VRTN: variants seen among roughly 807,000 people sequenced by gnomAD.
VRTN encodes vertnin.
In VRTN, 5 loss-of-function variants were observed where a neutral mutation model predicts 18.2. That is an observed-to-expected ratio of 0.27 (90% CI 0.14 to 0.58). The LOEUF is 0.58. Ranked by LOEUF, VRTN falls within the 20% of genes least tolerant of loss-of-function variation. The probability of loss-of-function intolerance (pLI) is 0.91; values close to 1 mark genes in which losing one functional copy is unlikely to be tolerated. For synonymous variants in VRTN, 381 were observed against 393.7 expected, an observed-to-expected ratio of 0.97 and a Z score of 0.38; for missense variants, 741 against 939.4, an observed-to-expected ratio of 0.79 and a Z score of 2.76.
rs1265260867 is a variant in VRTN at position 74,359,823 on chromosome 14, C to A, written c.*931C>A. On this transcript the variant is annotated 3_prime_UTR_variant, in exon 2 of 2. Coordinates refer to ENST00000256362, the MANE Select transcript of VRTN (RefSeq NM_018228.3). ...TGGGTGCTTGATCCACCTGCTGGGA[C>A]CCTGCAGTCCTCGGCCAGCCTGGCT... The A allele has an allele frequency of 6.0e-6, 1 of 166,974 alleles. No individual in the cohort carries two copies. Among genetic ancestry groups the A allele is most frequent in the Non-Finnish European group, 1.5e-5 (1 of 68,160 alleles). 10.3% of individuals were successfully genotyped at this position (166,974 alleles called of 1,614,324 possible). A position where few individuals can be genotyped will look rare whatever the true frequency, so the allele number is the denominator to read the frequency against.
chr14:74,349,708 T>G (rs1002185572), intron 1 of VRTN, among the ~76,000 whole-genome samples: 1 of 152,168 alleles, frequency 6.6e-6, no homozygotes, highest in African/African-American at 2.4e-5. Flanking sequence ...AGGCCAGACC[T>G]GGGTTCTGAG....
upstream of VRTN, among the ~76,000 whole-genome samples, chr14:74,344,919 T>C (rs140804553): frequency 7.9e-4 from 120 of 152,296 alleles, no homozygotes; most frequent in African/African-American, 2.6e-3. Flanking sequence ...GATACTTGCT[T>C]GTTTATACAT....
At chr14:74,339,866 A>G (rs2085589263) in intron 2 of VRTN, among the ~76,000 whole-genome samples, 1 of 152,172 alleles carries the variant, frequency 6.6e-6, no homozygotes, top group Admixed American at 6.5e-5. Context: ...TAAGACTAGC[A>G]GTAATTGGAT....
At chr14:74,306,342 A>T (rs1046234425) in intron 1 of VRTN, among the ~76,000 whole-genome samples, 76 of 150,088 alleles carry the variant, frequency 5.1e-4, no homozygotes, top group African/African-American at 1.6e-3. Context: ...ATTAAAAAAA[A>T]TTTTTTTTGT....
intron 1 of VRTN, among the ~76,000 whole-genome samples, chr14:74,351,495 GTT>G (rs59810913): frequency 0.023 from 2,019 of 89,666 alleles, 44 homozygotes; most frequent in African/African-American, 0.058. Flanking sequence ...TGATTACCAG[GTT>G]TTTTTTTTTT....
chr14:74,358,344 A>G lies in VRTN; in HGVS notation c.1561A>G (p.Ser521Gly), dbSNP rs1315018287. Reference sequence around the variant, plus strand: ...CAGGGCTGCCCGCAGGCAGGTGCTGAGTGGGCATCTCCCTTTCTGCCGCTT... The same window carrying G: ...CAGGGCTGCCCGCAGGCAGGTGCTGGGTGGGCATCTCCCTTTCTGCCGCTT... Reference protein sequence around the residue: ...LRRAARRQVLSGHLPFCRFRL... With the variant: ...LRRAARRQVLGGHLPFCRFRL... The change falls in exon 2 of 2, where the codon AGT becomes GGT. Residue 521 changes from serine (S) to glycine (G), a missense_variant. By Grantham distance (56) the Ser-to-Gly change is moderately conservative (BLOSUM62 0). Coordinates refer to ENST00000256362, the MANE Select transcript of VRTN (RefSeq NM_018228.3). This position sits in a 1 kb window ranked among gnomAD's most constrained non-coding sequence, Gnocchi z 5.4. The G allele has an allele frequency of 2.5e-6, 4 of 1,613,350 alleles. No homozygotes were observed. The highest frequency in any genetic ancestry group is 3.4e-6 in the Non-Finnish European group (4 of 1,179,942).
At chr14:74,303,014 G>T, upstream of VRTN, 1 of 1,254,140 alleles carries the variant, frequency 8.0e-7, no homozygotes, top group Non-Finnish European at 1.1e-6. Flanking sequence ...GACGGCGTTT[G>T]ATAGAGAGGA....
At position 74,324,561 on chromosome 14, in the gene VRTN, G is replaced by A. The variant is rs561666814; in HGVS notation, c.-163-13162G>A. Among the ~76,000 whole-genome samples, 9 of 152,076 alleles carry A rather than the reference G, an allele frequency of 5.9e-5. No homozygotes were observed. The South Asian group carries it at 1.7e-3, about 28-fold the overall frequency. On this transcript the variant is annotated intron_variant, in intron 1 of 2. Coordinates refer to the VRTN transcript ENST00000557177. Reference sequence around the variant, plus strand: ...ATATGGACAGCCTGAGGCAGTCCTGGGCCCCAAAGAGAGGGTTAATGGGGG... The same window carrying A: ...ATATGGACAGCCTGAGGCAGTCCTGAGCCCCAAAGAGAGGGTTAATGGGGG...
At chr14:74,331,544 T>TTATATATATATATATATATA (rs1169929236) in intron 1 of VRTN, among the ~76,000 whole-genome samples, 1 of 43,490 alleles carries the variant, frequency 2.3e-5, no homozygotes, top group Non-Finnish European at 4.9e-5. Flanking sequence ...AAAAAAAATT[T>TTATATATATATATATATATA]TATATATATA....
chr14:74,338,557 T>A (rs1354526039), intron 2 of VRTN, among the ~76,000 whole-genome samples: 5 of 152,122 alleles, frequency 3.3e-5, no homozygotes, highest in African/African-American at 4.8e-5. Flanking sequence ...CAAATTGTAA[T>A]TTGTTTTTTG....
chr14:74,326,879 A>G (rs976549607), intron 1 of VRTN, among the ~76,000 whole-genome samples: 3 of 152,098 alleles, frequency 2.0e-5, no homozygotes, highest in African/African-American at 7.2e-5. Context: ...TGTGACACAG[A>G]TAGGGCAGCG....
At chr14:74,315,141 A>C (rs1164553034) in intron 1 of VRTN, among the ~76,000 whole-genome samples, 1 of 152,220 alleles carries the variant, frequency 6.6e-6, no homozygotes, top group Non-Finnish European at 1.5e-5. Context: ...TCAAAGTATC[A>C]GCATGCCAAA....
chr14:74,327,780 G>A (rs1330956600), intron 1 of VRTN, among the ~76,000 whole-genome samples: 5 of 152,106 alleles, frequency 3.3e-5, no homozygotes, highest in South Asian at 2.1e-4. Flanking sequence ...GCAGTGAATG[G>A]TGCAATCTCA....
Position 74,358,533 on chromosome 14 carries a change from G to A in VRTN, c.1750G>A (p.Val584Met), listed in dbSNP as rs1322381886. The A allele has an allele frequency of 6.2e-7, 1 of 1,613,116 alleles. No individual in the cohort carries two copies. The highest frequency in any genetic ancestry group is 8.5e-7 in the Non-Finnish European group (1 of 1,179,462). Residue 584 changes from valine (V) to methionine (M), a missense_variant, in exon 2 of 2, where the codon GTG becomes ATG. By Grantham distance (21) the Val-to-Met change is conservative. Coordinates refer to ENST00000256362, the MANE Select transcript of VRTN (RefSeq NM_018228.3). The surrounding 1 kb of genome is among the most constrained non-coding windows in gnomAD (Gnocchi z 5.4). ...EKQEKEAGRD[V>M]TAVMAPPVGA... ...GCAGGAGAAGGAGGCTGGCAGGGAT[G>A]TGACAGCTGTGATGGCCCCACCTGT...
chr14:74,306,271 A>G (rs1037618391), intron 1 of VRTN, among the ~76,000 whole-genome samples: 4 of 149,374 alleles, frequency 2.7e-5, no homozygotes, highest in African/African-American at 7.4e-5. Flanking sequence ...CCTGGGCTCA[A>G]GTGATCCACC....
chr14:74,339,304 A>G (rs543342025), intron 2 of VRTN, among the ~76,000 whole-genome samples: 269 of 152,232 alleles, frequency 1.8e-3, no homozygotes, highest in African/African-American at 6.2e-3. Context: ...AGGGTCAGGC[A>G]TGTTCAAAGT....
intron 1 of VRTN, among the ~76,000 whole-genome samples, chr14:74,310,701 C>A (rs1217627188): frequency 6.6e-6 from 1 of 151,850 alleles, no homozygotes; most frequent in Non-Finnish European, 1.5e-5. Flanking sequence ...CCATGCCTGG[C>A]TAAATTTTGT....
intron 1 of VRTN, among the ~76,000 whole-genome samples, chr14:74,335,508 C>G (rs1425897911): frequency 1.0e-5 from 1 of 97,804 alleles, no homozygotes; most frequent in Non-Finnish European, 2.0e-5. Context: ...AGCCACTGTA[C>G]TAAATGCCTG....
chr14:74,322,037 G>A (rs568452716), intron 1 of VRTN, among the ~76,000 whole-genome samples: 10 of 151,470 alleles, frequency 6.6e-5, no homozygotes, highest in South Asian at 2.1e-4. Context: ...TAGTAGAGAC[G>A]GGGTTTCACC....
Sources: gnomAD v4.1 joint callset for allele counts (sites outside exome capture counted in the v4.1 genomes callset) on GRCh38, gnomAD v4.1.1 for gene constraint, Gnocchi (gnomAD v3.1) non-coding constraint, MANE v1.5 for transcripts, NCBI Gene and HGNC (gene_info 2026-07-23, HGNC 2026-07-21) for gene names.